The following CACNA1I variants were observed in gnomAD, a reference collection of about 807,000 sequenced individuals.
CACNA1I encodes the protein voltage-dependent T-type calcium channel subunit alpha-1I.
CACNA1I carries 74 observed loss-of-function variants against 201.6 expected under a neutral mutation model. The observed-to-expected ratio is 0.37, with a 90% CI of 0.30 to 0.45. The LOEUF (loss-of-function observed/expected upper bound fraction) is 0.45. Among genes scored for constraint, CACNA1I ranks in the 20% least tolerant of loss-of-function variants. CACNA1I has a pLI of 1.00. For missense variants in CACNA1I, 2,346 were observed against 3,138.1 expected (o/e 0.75, Z 6.03); for synonymous variants, 1,431 against 1,345.2 (o/e 1.06, Z -1.40).
At chr22:39,607,895 C>CCG (rs1555903855) in intron 3 of CACNA1I, among the ~76,000 whole-genome samples, 2 of 139,310 alleles carry the variant, frequency 1.4e-5, no homozygotes, top group Non-Finnish European at 3.1e-5. Flanking sequence ...GGTGCCAAGG[C>CCG]GGGGGGGGGT....
chr22:39,608,623 G>A (rs542563795), intron 3 of CACNA1I, among the ~76,000 whole-genome samples: 42 of 150,994 alleles, frequency 2.8e-4, no homozygotes, highest in African/African-American at 1.0e-3. Context: ...TGGATCGCTT[G>A]AGCTCAGAAG....
chr22:39,632,833 A>ACACGC (rs971358298), intron 4 of CACNA1I, among the ~76,000 whole-genome samples: 1 of 150,188 alleles, frequency 6.7e-6, no homozygotes, highest in Admixed American at 6.7e-5. Context: ...CCTCTGCTGT[A>ACACGC]CACGCCTCGC....
At chr22:39,645,728 C>G (rs1235504763) in intron 7 of CACNA1I, among the ~76,000 whole-genome samples, 1 of 152,224 alleles carries the variant, frequency 6.6e-6, no homozygotes, top group Non-Finnish European at 1.5e-5. Flanking sequence ...GCCAAGTTCA[C>G]TCCCAGGCTC....
Position 39,649,714 on chromosome 22 carries a change from C to A in CACNA1I, c.1781C>A (p.Ala594Asp). The change falls in exon 10 of 37, where the codon GCC becomes GAC. Residue 594 changes from alanine to aspartate, a missense_variant. Ala to Asp is a moderately radical substitution (Grantham distance 126). Coordinates refer to ENST00000402142, the MANE Select transcript of CACNA1I (RefSeq NM_021096.4). This position sits in a 1 kb window ranked among gnomAD's most constrained non-coding sequence, Gnocchi z 7.3. ...GGEDEADGDG[A>D]RSSEDGASSE... The stretch of plus-strand genomic sequence containing the variant: ...GAGGACGAGGCGGATGGGGACGGGG[C>A]CCGGAGCAGCGAGGACGGAGCCTCC... 1 of 1,530,938 alleles carries A rather than the reference C, an allele frequency of 6.5e-7. No homozygotes were observed. The highest frequency in any genetic ancestry group is 8.8e-7 in the Non-Finnish European group (1 of 1,137,116). The allele number at this position is 1,530,938 out of a possible 1,614,324, so 94.8% of individuals were successfully genotyped here.
chr22:39,646,345 T>C (rs1400805887), intron 7 of CACNA1I, among the ~76,000 whole-genome samples: 1 of 152,070 alleles, frequency 6.6e-6, no homozygotes, highest in Non-Finnish European at 1.5e-5. Flanking sequence ...TGTCTCTTTC[T>C]ACCTGCCCTT....
intron 1 of CACNA1I, among the ~76,000 whole-genome samples, chr22:39,596,598 A>G (rs1178021036): frequency 6.6e-6 from 1 of 151,410 alleles, no homozygotes. Flanking sequence ...CAGGCCAGGC[A>G]AGGGCTTCAA....
chr22:39,668,537 A>T (rs1935265359), intron 24 of CACNA1I, among the ~76,000 whole-genome samples, 156 bp downstream of exon 24: 1 of 152,142 alleles, frequency 6.6e-6, no homozygotes, highest in Non-Finnish European at 1.5e-5. Context: ...CCTGGCCTGA[A>T]TCTTCACCAT....
intron 1 of CACNA1I, among the ~76,000 whole-genome samples, chr22:39,586,493 A>AAAATAAATAAATAAAT (rs368933585): frequency 0.011 from 1,621 of 151,176 alleles, 20 homozygotes; most frequent in African/African-American, 0.038. Context: ...CTCCGTCTCT[A>AAAATAAATAAATAAAT]AAATAAATAA....
chr22:39,581,096 TG>T (rs1181904511), intron 1 of CACNA1I, among the ~76,000 whole-genome samples: 4 of 152,164 alleles, frequency 2.6e-5, no homozygotes, highest in Non-Finnish European at 5.9e-5. Context: ...AGGGAACCTC[TG>T]GGGGGCATGA....
chr22:39,651,621 C>T (rs1373657740), intron 10 of CACNA1I, among the ~76,000 whole-genome samples: 1 of 152,160 alleles, frequency 6.6e-6, no homozygotes, highest in African/African-American at 2.4e-5. Flanking sequence ...GGGGCTCGCT[C>T]CAGTCTCCAA....
chr22:39,668,459 G>A lies in CACNA1I; in HGVS notation c.4194+78G>A, dbSNP rs1935262822. On this transcript the variant is annotated intron_variant, in intron 24 of 36. Coordinates refer to ENST00000402142, the MANE Select transcript of CACNA1I (RefSeq NM_021096.4). ...CCTTGGGGCCCAGTGGTTTGAATTT[G>A]AAACTGGTGCCAATGAGTTCCACAG... The A allele has an allele frequency of 1.9e-5, 17 of 913,934 alleles. No individual in the cohort carries two copies. In the South Asian group the frequency reaches 2.4e-4, roughly 13 times the overall value. 56.6% of individuals were successfully genotyped at this position (913,934 alleles called of 1,614,324 possible).
intron 20 of CACNA1I, 116 bp downstream of exon 20, chr22:39,664,275 C>A: frequency 1.2e-6 from 1 of 848,072 alleles, no homozygotes; most frequent in Non-Finnish European, 1.9e-6. Context: ...CACTCGTAGC[C>A]CCATGGCCCA....
Position 39,679,403 on chromosome 22 carries a change from C to T in CACNA1I, c.5352C>T (p.Asp1784=), listed in dbSNP as rs1394396556. Residue 1784 remains aspartate, a synonymous_variant, in exon 32 of 37, where the codon GAC becomes GAT. Transcript: ENST00000402142. The part of the protein sequence containing the change: ...RGPGGAGGGG[D]TEGGLCRRCY... Reference sequence around the variant, plus strand: ...CGGGAGGGGCGGGCGGCGGGGGCGACACCGAGGGCGGCTTGTGCCGGCGCT... The same window carrying T: ...CGGGAGGGGCGGGCGGCGGGGGCGATACCGAGGGCGGCTTGTGCCGGCGCT... 1.4e-6 allele frequency: 2 copies of T among 1,451,200 alleles called. No individual in the cohort carries two copies. Among genetic ancestry groups the T allele is most frequent in the African/African-American group, 3.0e-5 (2 of 67,246 alleles). The allele number at this position is 1,451,200 out of a possible 1,614,324, so 89.9% of individuals were successfully genotyped here. A position where few individuals can be genotyped will look rare whatever the true frequency, so the allele number is the denominator to read the frequency against.
intron 1 of CACNA1I, among the ~76,000 whole-genome samples, chr22:39,579,901 G>A (rs1014407840): frequency 6.6e-6 from 1 of 152,124 alleles, no homozygotes; most frequent in Non-Finnish European, 1.5e-5. Flanking sequence ...CACCAGCCTC[G>A]GCCTCCCAAA....
At chr22:39,661,378 G>A (rs1186242967) in intron 16 of CACNA1I, 68 bp downstream of exon 16, 5 of 1,211,392 alleles carry the variant, frequency 4.1e-6, no homozygotes, top group Admixed American at 5.7e-5. Context: ...GCCCTGAAGA[G>A]AGGTACCTGC....
rs980259895 is a variant in CACNA1I, at chr22:39,688,373, T to A, written c.*1968T>A. On this transcript the variant is annotated 3_prime_UTR_variant, in exon 37 of 37. Transcript: ENST00000402142. This position sits in a 1 kb window ranked among gnomAD's most constrained non-coding sequence, Gnocchi z 4.8. The stretch of plus-strand genomic sequence containing the variant: ...CAGAGAGCCTCAGCCCTGCCTCCCT[T>A]TCCACAGAGGTGGTTTTATGTGGAA... 4 of 152,274 alleles carry A rather than the reference T, an allele frequency of 2.6e-5. No homozygotes were observed. Among genetic ancestry groups the A allele is most frequent in the Admixed American group, 1.3e-4 (2 of 15,288 alleles). The allele number at this position is 152,274 out of a possible 1,614,324, so 9.4% of individuals were successfully genotyped here.
intron 4 of CACNA1I, among the ~76,000 whole-genome samples, chr22:39,630,025 C>A (rs541546791): frequency 1.8e-4 from 27 of 152,338 alleles, no homozygotes; most frequent in Non-Finnish European, 3.2e-4. Flanking sequence ...AGCTTCCCCC[C>A]AGCCGCATGG....
chr22:39,679,371 C>T lies in CACNA1I; in HGVS notation c.5320C>T (p.Arg1774Ter). The T allele has an allele frequency of 6.5e-7, 1 of 1,532,050 alleles. No individual in the cohort carries two copies. Among genetic ancestry groups the T allele is most frequent in the African/African-American group, 1.4e-5 (1 of 71,794 alleles). The allele number at this position is 1,532,050 out of a possible 1,614,324, so 94.9% of individuals were successfully genotyped here. The change falls in exon 32 of 37, where the codon CGA (arginine) becomes TGA (stop). Residue 1774 changes from arginine (R) to a stop codon, truncating the protein, a stop_gained. Transcript: ENST00000402142. LOFTEE classifies it high-confidence loss of function. ...TACCGGCTCCCCGGGCGCCCCTGGC[C>T]GAGGGCCGGGAGGGGCGGGCGGCGG... ...LPTGSPGAPG[R>*]GPGGAGGGGD...
At chr22:39,663,899 G>C in intron 19 of CACNA1I, 58 bp downstream of exon 19, 1 of 1,604,808 alleles carries the variant, frequency 6.2e-7, no homozygotes, top group Non-Finnish European at 8.5e-7. Context: ...AGCTCGCCAG[G>C]GCTGAGCAGG....
Sources: gnomAD v4.1 joint callset for allele counts (sites outside exome capture counted in the v4.1 genomes callset) on GRCh38, gnomAD v4.1.1 for gene constraint, Gnocchi (gnomAD v3.1) non-coding constraint, MANE v1.5 for transcripts, NCBI Gene and HGNC (gene_info 2026-07-23, HGNC 2026-07-21) for gene names.